TBL1XR1: variants seen among roughly 807,000 people sequenced by gnomAD.
TBL1XR1 encodes TBL1X/Y related 1.
Under a neutral mutation model 66.9 loss-of-function variants are expected in TBL1XR1, and 5 were observed. That is an observed-to-expected ratio of 0.07 (90% CI 0.04 to 0.16). The LOEUF is 0.16. Among genes scored for constraint, TBL1XR1 ranks in the 10% least tolerant of loss-of-function variants. The pLI is 1.00. For missense variants in TBL1XR1, 238 were observed against 623.2 expected (o/e 0.38, Z 6.58); for synonymous variants, 210 against 206.0 (o/e 1.02, Z -0.17).
intron 1 of TBL1XR1, among the ~76,000 whole-genome samples, chr3:177,107,276 C>T (rs916286823): frequency 7.2e-5 from 11 of 152,142 alleles, no homozygotes; most frequent in South Asian, 2.1e-4. Flanking sequence ...CTCAAAGAGT[C>T]GCTCTTATGT....
chr3:177,176,977 C>A (rs1734232736), intron 1 of TBL1XR1, among the ~76,000 whole-genome samples: 1 of 152,004 alleles, frequency 6.6e-6, no homozygotes, highest in Admixed American at 6.6e-5. Flanking sequence ...GAAGCCATCT[C>A]AATTTTTTGA....
intron 1 of TBL1XR1, among the ~76,000 whole-genome samples, chr3:177,174,378 C>CG (rs1438082706): frequency 3.1e-4 from 40 of 129,080 alleles, no homozygotes; most frequent in African/African-American, 1.1e-3. Flanking sequence ...CACTGCACTC[C>CG]GGCCTGGGTG....
chr3:177,201,015 AAAG>A (rs1021870089), upstream of TBL1XR1, among the ~76,000 whole-genome samples: 1 of 151,868 alleles, frequency 6.6e-6, no homozygotes, highest in Non-Finnish European at 1.5e-5. Context: ...TCAAAAAAAA[AAAG>A]TTCTCTCTTG....
intron 1 of TBL1XR1, among the ~76,000 whole-genome samples, chr3:177,157,721 C>A (rs1222169362): frequency 6.6e-6 from 1 of 152,132 alleles, no homozygotes; most frequent in East Asian, 1.9e-4. Flanking sequence ...TATGAAATTT[C>A]TCAAGAAGCA....
chr3:177,108,415 G>A (rs1162637000), intron 1 of TBL1XR1, among the ~76,000 whole-genome samples: 1 of 152,128 alleles, frequency 6.6e-6, no homozygotes, highest in Non-Finnish European at 1.5e-5. Context: ...TTTCTGTTCT[G>A]TTTAAAAACT....
At chr3:177,160,962 C>T (rs1732124079) in intron 1 of TBL1XR1, 1 of 150,848 alleles carries the variant, frequency 6.6e-6, no homozygotes, top group African/African-American at 2.4e-5. Context: ...CGCCACTGCA[C>T]TCGAGCCTGG....
At chr3:177,048,743 G>T (rs1342773594) in intron 7 of TBL1XR1, among the ~76,000 whole-genome samples, 1 of 152,156 alleles carries the variant, frequency 6.6e-6, no homozygotes, top group Admixed American at 6.5e-5. Context: ...ATTAATCGAG[G>T]ATAATGTTTT....
rs748714143 is a variant in TBL1XR1, at chr3:177,047,385, C to T, written c.779G>A (p.Ser260Asn). ...RIWTKDGNLA[S>N]TLGQHKGPIF... ...AGGGCCTTTATGCTGCCCTAAGGTG[C>T]TAGCAAGGTTACCTAAAATGCAAAA... Residue 260 changes from serine (S) to asparagine (N), a missense_variant, in exon 9 of 16, where the codon AGC (serine) becomes AAC (asparagine). Coordinates refer to ENST00000457928, the MANE Select transcript of TBL1XR1 (RefSeq NM_024665.7). The T allele has an allele frequency of 6.3e-7, 1 of 1,580,654 alleles. No homozygotes were observed. Among genetic ancestry groups the T allele is most frequent in the Non-Finnish European group, 8.6e-7 (1 of 1,161,958 alleles).
chr3:177,051,809 T>C lies in TBL1XR1; in HGVS notation c.205-83A>G, dbSNP rs144829364. 9.9e-4 allele frequency: 1,325 copies of C among 1,337,564 alleles called. 16 individuals carry two copies. The African/African-American group carries it at 0.019, about 19-fold the overall frequency. The allele number at this position is 1,337,564 out of a possible 1,614,324, so 82.9% of individuals were successfully genotyped here. ...TATTTATACAAAATCAGAAATGAAA[T>C]GAAAATCTTCGTTCCTAAAAAAACA... On this transcript the variant is annotated intron_variant, in intron 4 of 15. Coordinates refer to ENST00000457928, the MANE Select transcript of TBL1XR1 (RefSeq NM_024665.7).
intron 3 of TBL1XR1, among the ~76,000 whole-genome samples, chr3:177,058,614 T>C (rs1364340002): frequency 6.6e-6 from 1 of 152,248 alleles, no homozygotes; most frequent in Non-Finnish European, 1.5e-5. Context: ...CAATGTGTGT[T>C]GTTTTTTTCT....
intron 2 of TBL1XR1, among the ~76,000 whole-genome samples, chr3:177,088,010 A>G (rs146371316): frequency 5.7e-4 from 87 of 152,316 alleles, no homozygotes; most frequent in African/African-American, 1.9e-3. Context: ...TATTGTGGGT[A>G]TATGTCCTTG....
At chr3:177,065,496 G>C (rs987336240) in intron 2 of TBL1XR1, among the ~76,000 whole-genome samples, 18 of 152,148 alleles carry the variant, frequency 1.2e-4, no homozygotes, top group Non-Finnish European at 1.3e-4. Flanking sequence ...AGGATATGAA[G>C]TCTCTATTTT....
chr3:177,109,261 T>G (rs758615380), intron 1 of TBL1XR1, among the ~76,000 whole-genome samples: 1 of 152,148 alleles, frequency 6.6e-6, no homozygotes. Context: ...CAACCAAACA[T>G]TCAATCAGAA....
At chr3:177,136,420 C>T (rs915825944) in intron 1 of TBL1XR1, among the ~76,000 whole-genome samples, 4 of 152,102 alleles carry the variant, frequency 2.6e-5, no homozygotes, top group Non-Finnish European at 4.4e-5. Context: ...AAGTGGCAAG[C>T]AGGCGCCAGC....
rs548783302 is a variant in TBL1XR1, at chr3:177,190,133, C to CAAAAAA, written c.-122+6982_-122+6987dup. Among the ~76,000 whole-genome samples, 14 of 69,410 alleles carry CAAAAAA rather than the reference C, an allele frequency of 2.0e-4. No individual in the cohort carries two copies. The East Asian group carries it at 3.2e-3, about 16-fold the overall frequency. The allele number at this position is 69,410 out of a possible 152,430, so 45.5% of individuals were successfully genotyped here. A position where few individuals can be genotyped will look rare whatever the true frequency, so the allele number is the denominator to read the frequency against. On this transcript the variant is annotated intron_variant, in intron 1 of 15. Coordinates refer to ENST00000457928, the MANE Select transcript of TBL1XR1 (RefSeq NM_024665.7). ...GGGCAACAAGAGTGAAACTCCATCT[C>CAAAAAA]AAAAAAAAAAAAAAAAAAAAAAAAA...
At chr3:177,118,240 TAA>T (rs1429275480) in intron 1 of TBL1XR1, among the ~76,000 whole-genome samples, 2 of 152,236 alleles carry the variant, frequency 1.3e-5, no homozygotes, top group African/African-American at 4.8e-5. Context: ...TCAAAGTCTC[TAA>T]AGAGTTCTTG....
chr3:177,188,586 T>C (rs1172742512), intron 1 of TBL1XR1, among the ~76,000 whole-genome samples: 2 of 152,068 alleles, frequency 1.3e-5, no homozygotes, highest in African/African-American at 2.4e-5. Context: ...GTAATGACCA[T>C]CTCTGACCCT....
chr3:177,161,922 C>T (rs968063204), intron 1 of TBL1XR1, among the ~76,000 whole-genome samples: 28 of 152,156 alleles, frequency 1.8e-4, no homozygotes, highest in Admixed American at 3.3e-4. Context: ...CACACTCCCA[C>T]TCAAATAGCT....
chr3:177,055,548 G>A (rs1485437837), intron 3 of TBL1XR1, among the ~76,000 whole-genome samples: 1 of 150,718 alleles, frequency 6.6e-6, no homozygotes, highest in African/African-American at 2.4e-5. Flanking sequence ...CAATCGGGGG[G>A]CGGGGCGGGG....
Sources: gnomAD v4.1 joint callset for allele counts (sites outside exome capture counted in the v4.1 genomes callset) on GRCh38, gnomAD v4.1.1 for gene constraint, MANE v1.5 for transcripts, NCBI Gene and HGNC (gene_info 2026-07-23, HGNC 2026-07-21) for gene names.